HADH: variants seen among roughly 807,000 people sequenced by gnomAD.
The protein encoded by HADH is hydroxyacyl-coenzyme A dehydrogenase, mitochondrial.
HADH carries 24 observed loss-of-function variants against 32.2 expected under a neutral mutation model. That is an observed-to-expected ratio of 0.75 (90% CI 0.54 to 1.05). The LOEUF (loss-of-function observed/expected upper bound fraction) is 1.05, where lower values mean the gene tolerates loss of function less well. Ranked by LOEUF, HADH falls within the 50% of genes least tolerant of loss-of-function variation. The pLI, the probability that HADH is intolerant of heterozygous loss-of-function variation, is 0.00. For synonymous variants in HADH, 139 were observed against 152.5 expected (o/e 0.91, Z 0.65); for missense variants, 350 against 397.1 (o/e 0.88, Z 1.01).
chr4:108,003,921 G>A (rs1192389883), intron 1 of HADH, among the ~76,000 whole-genome samples: 2 of 152,046 alleles, frequency 1.3e-5, no homozygotes, highest in Admixed American at 6.6e-5. Flanking sequence ...CAACCCTGTT[G>A]CCCCTGTTTT....
chr4:107,992,665 T>C (rs1484903017), intron 1 of HADH, among the ~76,000 whole-genome samples: 4 of 152,224 alleles, frequency 2.6e-5, no homozygotes, highest in Non-Finnish European at 4.4e-5. Flanking sequence ...ATCTCTAAAG[T>C]AGACTAATGC....
At chr4:107,995,452 C>G (rs1463002892) in intron 1 of HADH, among the ~76,000 whole-genome samples, 1 of 152,154 alleles carries the variant, frequency 6.6e-6, no homozygotes, top group African/African-American at 2.4e-5. Context: ...GTGAGGATTT[C>G]TCTTAGATTG....
intron 2 of HADH, among the ~76,000 whole-genome samples, chr4:108,012,893 A>G (rs1266864517): frequency 6.6e-6 from 1 of 152,210 alleles, no homozygotes; most frequent in African/African-American, 2.4e-5. Flanking sequence ...AGGAACTTCT[A>G]CTTTACTTTT....
intron 6 of HADH, chr4:108,031,828 A>G (rs1736273864): frequency 6.6e-6 from 1 of 152,548 alleles, no homozygotes. Flanking sequence ...GGTGCCTGCT[A>G]CATAATGAAT....
intron 6 of HADH, chr4:108,028,352 T>C (rs1736136233): frequency 6.4e-6 from 1 of 156,012 alleles, no homozygotes; most frequent in Non-Finnish European, 1.4e-5. Flanking sequence ...GGTCCAGGCC[T>C]CTAAATTGAT....
chr4:108,016,289 C>T (rs1735691753), intron 3 of HADH, among the ~76,000 whole-genome samples: 1 of 152,172 alleles, frequency 6.6e-6, no homozygotes, highest in Admixed American at 6.5e-5. Context: ...TTCCGGTGGG[C>T]AGTGGCTAAA....
intron 3 of HADH, 135 bp downstream of exon 3, chr4:108,014,723 G>A (rs1735633990): frequency 1.3e-6 from 1 of 774,272 alleles, no homozygotes; most frequent in Non-Finnish European, 2.1e-6. Flanking sequence ...TAGTGGTGAA[G>A]TCTGGGCTTT....
chr4:108,009,095 T>C (rs1735388525), intron 1 of HADH, among the ~76,000 whole-genome samples: 1 of 152,206 alleles, frequency 6.6e-6, no homozygotes, highest in African/African-American at 2.4e-5. Context: ...CCCAAAGACT[T>C]CATTTTCTTG....
intron 1 of HADH, among the ~76,000 whole-genome samples, chr4:108,002,626 G>A (rs546226304): frequency 4.6e-5 from 7 of 152,254 alleles, no homozygotes; most frequent in East Asian, 3.9e-4. Flanking sequence ...ATTGTCTTCC[G>A]TGAAATTGTC....
intron 1 of HADH, among the ~76,000 whole-genome samples, chr4:108,003,911 C>A (rs1442883602): frequency 6.6e-6 from 1 of 152,086 alleles, no homozygotes; most frequent in Non-Finnish European, 1.5e-5. Flanking sequence ...ACCCTCCCAA[C>A]AACCCTGTTG....
chr4:108,007,360 G>T (rs1735325808), intron 1 of HADH, among the ~76,000 whole-genome samples: 3 of 152,146 alleles, frequency 2.0e-5, no homozygotes, highest in Admixed American at 2.0e-4. Flanking sequence ...GCCTGCCTCG[G>T]CCTCCCAAAG....
Position 107,995,476 on chromosome 4 carries a change from A to C in HADH, c.132+5412A>C, listed in dbSNP as rs532005401. Among the ~76,000 whole-genome samples, 6 of 152,238 alleles carry C rather than the reference A, an allele frequency of 3.9e-5. No individual in the cohort carries two copies. In the South Asian group the frequency reaches 1.2e-3, roughly 32 times the overall value. On this transcript the variant is annotated intron_variant, in intron 1 of 7. Coordinates refer to ENST00000309522, the MANE Select transcript of HADH (RefSeq NM_005327.7). ...TCTCTTAGATTGTCTTCACTGTCGG[A>C]AGAGTTTTGATATAGGGAGTTCCAG...
chr4:108,005,041 C>A, intron 1 of HADH: 1 of 616,916 alleles, frequency 1.6e-6, no homozygotes, highest in Non-Finnish European at 2.7e-6. Context: ...TATATACCTT[C>A]TTTTTTTCTT....
chr4:107,998,466 G>A (rs1735019094), intron 1 of HADH, among the ~76,000 whole-genome samples: 1 of 152,146 alleles, frequency 6.6e-6, no homozygotes, highest in African/African-American at 2.4e-5. Context: ...TTTTAGTAGA[G>A]ACAGGGTTTC....
intron 1 of HADH, among the ~76,000 whole-genome samples, chr4:108,001,485 A>G (rs1457831671): frequency 6.6e-6 from 1 of 152,244 alleles, no homozygotes; most frequent in East Asian, 1.9e-4. Flanking sequence ...GGCAATGTAC[A>G]GAGCTGTTGT....
intron 1 of HADH, chr4:108,004,685 C>T (rs1434820992): frequency 6.6e-7 from 1 of 1,524,088 alleles, no homozygotes; most frequent in Non-Finnish European, 8.8e-7. Flanking sequence ...GCCTCAGCAG[C>T]AATGAGGGAT....
intron 1 of HADH, among the ~76,000 whole-genome samples, chr4:107,991,263 T>C (rs1734795026): frequency 6.6e-6 from 1 of 152,212 alleles, no homozygotes; most frequent in African/African-American, 2.4e-5. Context: ...ACTTGGTTTG[T>C]TGGGGAAGGC....
chr4:108,017,442 T>C (rs905769468), intron 3 of HADH, among the ~76,000 whole-genome samples: 2 of 152,344 alleles, frequency 1.3e-5, no homozygotes, highest in Non-Finnish European at 2.9e-5. Context: ...GCTTGTGTTG[T>C]CGATTTTCTT....
At chr4:107,992,173 C>T (rs1734835721) in intron 1 of HADH, among the ~76,000 whole-genome samples, 1 of 152,014 alleles carries the variant, frequency 6.6e-6, no homozygotes, top group East Asian at 1.9e-4. Context: ...ATAGGTGGAC[C>T]AGGGAGTGCC....
Sources: allele counts gnomAD v4.1 joint callset (sites outside exome capture counted in the v4.1 genomes callset), GRCh38; gene constraint gnomAD v4.1.1; transcripts MANE v1.5; gene names NCBI Gene and HGNC (gene_info 2026-07-23, HGNC 2026-07-21).